Variants in VIPR2 observed in about 807,000 individuals in gnomAD.
VIPR2 encodes the protein vasoactive intestinal polypeptide receptor 2.
Under a neutral mutation model 58.0 loss-of-function variants are expected in VIPR2, and 48 were observed. The observed-to-expected ratio is 0.83, with a 90% CI of 0.66 to 1.05. The LOEUF is 1.05. Among genes scored for constraint, VIPR2 ranks in the 50% least tolerant of loss-of-function variants. The probability of loss-of-function intolerance (pLI) is 0.00; values close to 1 mark genes in which losing one functional copy is unlikely to be tolerated. For synonymous variants in VIPR2, 243 were observed against 235.2 expected (o/e 1.03, Z -0.30); for missense variants, 534 against 558.0 (o/e 0.96, Z 0.43).
Position 159,093,690 on chromosome 7 carries a change from G to A in VIPR2, c.357+10067C>T, listed in dbSNP as rs1190055180. On this transcript the variant is annotated intron_variant, in intron 4 of 12. Coordinates refer to ENST00000262178, the MANE Select transcript of VIPR2 (RefSeq NM_003382.5). The surrounding 1 kb of genome is among the most constrained non-coding windows in gnomAD (Gnocchi z 6.7). The stretch of plus-strand genomic sequence containing the variant: ...AAGACCCCACAGCGTCCCTGGGTTC[G>A]GAGATGGGAGACCCCGCAGCGTCCC... Among the ~76,000 whole-genome samples, 3 of 146,540 alleles carry A rather than the reference G, an allele frequency of 2.0e-5. No individual in the cohort carries two copies. The highest frequency in any genetic ancestry group is 4.6e-5 in the Non-Finnish European group (3 of 65,624).
chr7:159,128,900 C>T lies in VIPR2; in HGVS notation c.151+13546G>A, dbSNP rs546660946. ...GCTCAGTCCTGACACAGGCTTCTTCCATCTGCTGCACACCAAAGCCCACCA... is the reference window on the plus strand; with the variant it reads ...GCTCAGTCCTGACACAGGCTTCTTCTATCTGCTGCACACCAAAGCCCACCA... On this transcript the variant is annotated intron_variant, in intron 2 of 12. Coordinates refer to ENST00000262178, the MANE Select transcript of VIPR2 (RefSeq NM_003382.5). This position sits in a 1 kb window ranked among gnomAD's most constrained non-coding sequence, Gnocchi z 4.1. Among the ~76,000 whole-genome samples, 1 of 152,296 alleles carries T rather than the reference C, an allele frequency of 6.6e-6. No homozygotes were observed. Among genetic ancestry groups the T allele is most frequent in the Non-Finnish European group, 1.5e-5 (1 of 68,012 alleles).
In VIPR2 at chr7:159,058,494, G is replaced by C. The variant is rs765540353; in HGVS notation, c.442C>G (p.Leu148Val). Reference sequence around the variant, plus strand: ...TCTGCTCCTTACCTGAAGAGGCACAGAATTATGCTTCCTGTTGCAAGAGAC... The same window carrying C: ...TCTGCTCCTTACCTGAAGAGGCACACAATTATGCTTCCTGTTGCAAGAGAC... Reference protein sequence around the residue: ...LMSLATGSIILCLFRKLHCTR... With the variant: ...LMSLATGSIIVCLFRKLHCTR... Residue 148 changes from leucine to valine, a missense_variant, in exon 5 of 13, where the codon CTG becomes GTG. Transcript: ENST00000262178. 4 of 1,613,060 alleles carry C rather than the reference G, an allele frequency of 2.5e-6. No individual in the cohort carries two copies. The highest frequency in any genetic ancestry group is 3.4e-6 in the Non-Finnish European group (4 of 1,179,118).
Position 159,097,021 on chromosome 7 carries a change from T to C in VIPR2, c.357+6736A>G. 6.5e-7 allele frequency: 1 copy of C among 1,550,342 alleles called. No homozygotes were observed. The highest frequency in any genetic ancestry group is 8.7e-7 in the Non-Finnish European group (1 of 1,146,876). ...AAAAGCTGCTGCTCTCAGAGGTGAT[T>C]TGGGGCAGGCCGCTCTGGGGGTCTC... On this transcript the variant is annotated intron_variant, in intron 4 of 12. Coordinates refer to ENST00000262178, the MANE Select transcript of VIPR2 (RefSeq NM_003382.5). The surrounding 1 kb of genome is among the most constrained non-coding windows in gnomAD (Gnocchi z 5.3).
rs1224856675 is a variant in VIPR2, at chr7:159,104,591, G to C, written c.260-737C>G. On this transcript the variant is annotated intron_variant, in intron 3 of 12. Transcript: ENST00000262178. Reference sequence around the variant, plus strand: ...CAGGCCCTCACCACCGATGGTGACCGGGTACCCCACCTGCTCCAGTTCCTG... The same window carrying C: ...CAGGCCCTCACCACCGATGGTGACCCGGTACCCCACCTGCTCCAGTTCCTG... Among the ~76,000 whole-genome samples, 6 of 113,564 alleles carry C rather than the reference G, an allele frequency of 5.3e-5. No homozygotes were observed. In the South Asian group the frequency reaches 1.1e-3, roughly 22 times the overall value. The allele number at this position is 113,564 out of a possible 152,430, so 74.5% of individuals were successfully genotyped here. A position where few individuals can be genotyped will look rare whatever the true frequency, so the allele number is the denominator to read the frequency against.
chr7:159,092,870 GGCCTGGTGCTGGGCAGCA>G (rs1454481523), intron 4 of VIPR2, among the ~76,000 whole-genome samples: 1 of 152,030 alleles, frequency 6.6e-6, no homozygotes, highest in African/African-American at 2.4e-5. Context: ...GTGTCTCATG[GGCCTGGTGCTGGGCAGCA>G]GCGTGGAGCT....
chr7:159,079,587 G>T (rs1035504194), intron 4 of VIPR2, among the ~76,000 whole-genome samples: 3 of 152,152 alleles, frequency 2.0e-5, no homozygotes, highest in African/African-American at 4.8e-5. Flanking sequence ...ACATTCAAAA[G>T]CTAGCAGAAG....
intron 4 of VIPR2, among the ~76,000 whole-genome samples, chr7:159,083,402 T>G (rs756453251): frequency 2.2e-4 from 33 of 152,210 alleles, no homozygotes; most frequent in Non-Finnish European, 3.8e-4. Context: ...TGACCTCAGG[T>G]AGTTCCCCTT....
rs747005957 is a variant in VIPR2 at position 159,031,792 on chromosome 7, T to A, written c.1143+36A>T. On this transcript the variant is annotated intron_variant, in intron 12 of 12. Coordinates refer to ENST00000262178, the MANE Select transcript of VIPR2 (RefSeq NM_003382.5). This position sits in a 1 kb window ranked among gnomAD's most constrained non-coding sequence, Gnocchi z 4.0. ...GGCAGCATCTCAGGAAGCAAGTGAG[T>A]ACCTGTGCTTGGTTCCAAGGCGGCC... 6.2e-7 allele frequency: 1 copy of A among 1,613,552 alleles called. No homozygotes were observed. Among genetic ancestry groups the A allele is most frequent in the South Asian group, 1.1e-5 (1 of 91,068 alleles).
At chr7:159,110,672 G>A (rs1459603126) in intron 2 of VIPR2, among the ~76,000 whole-genome samples, 1 of 135,302 alleles carries the variant, frequency 7.4e-6, no homozygotes, top group Non-Finnish European at 1.5e-5. Flanking sequence ...TATCAGAAAA[G>A]CAATGTGCTA....
intron 2 of VIPR2, among the ~76,000 whole-genome samples, chr7:159,131,868 C>A (rs1178030658): frequency 2.6e-5 from 4 of 152,212 alleles, no homozygotes; most frequent in Admixed American, 2.6e-4. Context: ...ATAAGCGACA[C>A]TTAACCTGAG....
rs185038777 is a variant in VIPR2, at chr7:159,116,519, C to T, written c.152-6600G>A. ...AGCTTCCAGGCAATGAGTGACTTTT[C>T]AATGTAGACTGGCAGTGGTGGCTTC... On this transcript the variant is annotated intron_variant, in intron 2 of 12. Coordinates refer to ENST00000262178, the MANE Select transcript of VIPR2 (RefSeq NM_003382.5). 3.7e-3 allele frequency among the ~76,000 whole-genome samples: 558 copies of T among 152,298 alleles called. 3 individuals carry two copies. The highest frequency in any genetic ancestry group is 0.012 in the African/African-American group (518 of 41,558).
At chr7:159,142,297 G>A in intron 2 of VIPR2, 149 bp downstream of exon 2, 1 of 601,396 alleles carries the variant, frequency 1.7e-6, no homozygotes, top group Non-Finnish European at 2.9e-6. Context: ...AGTTTTACCA[G>A]TAGTTCATTA....
At chr7:159,125,781 T>C (rs1037344341) in intron 2 of VIPR2, among the ~76,000 whole-genome samples, 10 of 152,090 alleles carry the variant, frequency 6.6e-5, no homozygotes, top group African/African-American at 2.4e-4. Flanking sequence ...CTCAGGGCCA[T>C]CATTTCCCAG....
At chr7:159,103,111 C>T (rs184747089) in intron 4 of VIPR2, among the ~76,000 whole-genome samples, 15 of 152,306 alleles carry the variant, frequency 9.8e-5, no homozygotes, top group African/African-American at 1.9e-4. Flanking sequence ...ATCCCACACT[C>T]GGGAGAAACA....
chr7:159,048,052 G>C (rs1854758452), intron 5 of VIPR2, among the ~76,000 whole-genome samples: 2 of 152,130 alleles, frequency 1.3e-5, no homozygotes, highest in South Asian at 4.1e-4. Context: ...CATAACTAAT[G>C]ATTTAGCATT....
intron 4 of VIPR2, among the ~76,000 whole-genome samples, chr7:159,078,910 G>C (rs1242208754): frequency 3.9e-5 from 6 of 152,158 alleles, no homozygotes; most frequent in Admixed American, 3.9e-4. Flanking sequence ...CCTCCTGAGA[G>C]TAACATCCAC....
At chr7:159,054,727 T>C (rs1411310425) in intron 5 of VIPR2, among the ~76,000 whole-genome samples, 1 of 152,216 alleles carries the variant, frequency 6.6e-6, no homozygotes, top group Non-Finnish European at 1.5e-5. Context: ...TGTACACTGG[T>C]AACCACTTTG....
rs545965861 is a variant in VIPR2 at position 159,126,752 on chromosome 7, C to T, written c.151+15694G>A. Among the ~76,000 whole-genome samples the T allele has an allele frequency of 4.2e-3, 640 of 152,356 alleles. 5 individuals are homozygous for T. Among genetic ancestry groups the T allele is most frequent in the African/African-American group, 0.015 (614 of 41,584 alleles). On this transcript the variant is annotated intron_variant, in intron 2 of 12. Coordinates refer to ENST00000262178, the MANE Select transcript of VIPR2 (RefSeq NM_003382.5). ...ACCAGGCAAGACACCGTCCAACCAT[C>T]AGGCTGCTCTTGATGATTCAGCATG... is the stretch of plus-strand genomic sequence containing the variant.
chr7:159,090,535 C>G (rs1325741857), intron 4 of VIPR2, among the ~76,000 whole-genome samples: 2 of 79,106 alleles, frequency 2.5e-5, no homozygotes, highest in African/African-American at 8.8e-5. Flanking sequence ...GACCTCAGCA[C>G]AGACACGCTG....
Sources: allele counts gnomAD v4.1 joint callset (sites outside exome capture counted in the v4.1 genomes callset), GRCh38; gene constraint gnomAD v4.1.1; non-coding constraint Gnocchi (gnomAD v3.1); transcripts MANE v1.5; gene names NCBI Gene and HGNC (gene_info 2026-07-23, HGNC 2026-07-21).